Variants in NPHP4 observed in about 807,000 individuals in gnomAD.
NPHP4 encodes the protein nephrocystin 4, also known as nephrocystin-4.
In NPHP4, 151 loss-of-function variants were observed where a neutral mutation model predicts 155.8. The ratio of observed to expected loss-of-function variants is 0.97; its 90% CI spans 0.85 to 1.11. The LOEUF (loss-of-function observed/expected upper bound fraction) is 1.11. Among genes scored for constraint, NPHP4 ranks in the 50% least tolerant of loss-of-function variants. The pLI is 0.00. For missense variants in NPHP4, 1,956 were observed against 1,925.7 expected (o/e 1.02, Z -0.29); for synonymous variants, 845 against 816.8 (o/e 1.03, Z -0.59).
intron 3 of NPHP4, among the ~76,000 whole-genome samples, chr1:5,970,057 C>A (rs958089657): frequency 2.6e-5 from 4 of 152,160 alleles, no homozygotes; most frequent in African/African-American, 9.7e-5. Context: ...CGCCTTCCTG[C>A]CAGGCCCAGG....
At chr1:5,971,217 C>T (rs1443440586) in intron 3 of NPHP4, among the ~76,000 whole-genome samples, 1 of 152,206 alleles carries the variant, frequency 6.6e-6, no homozygotes, top group Non-Finnish European at 1.5e-5. Flanking sequence ...TATGCCTCTC[C>T]CTTCTGTTTA....
intron 11 of NPHP4, among the ~76,000 whole-genome samples, chr1:5,925,765 G>A (rs183956875): frequency 4.6e-5 from 7 of 152,168 alleles, no homozygotes; most frequent in Admixed American, 3.3e-4. Context: ...ACAGGCGCCC[G>A]CCACCACATC....
chr1:5,932,258 T>C (rs1646314673), intron 10 of NPHP4, among the ~76,000 whole-genome samples: 1 of 152,308 alleles, frequency 6.6e-6, no homozygotes, highest in East Asian at 1.9e-4. Flanking sequence ...TCAATTGACT[T>C]TTCATGTCAT....
At chr1:5,914,288 G>T (rs79244515) in intron 11 of NPHP4, among the ~76,000 whole-genome samples, 1 of 61,268 alleles carries the variant, frequency 1.6e-5, no homozygotes, top group Non-Finnish European at 3.3e-5. Context: ...AAAAAAAAAG[G>T]CCTGGTGTGG....
In NPHP4 at chr1:5,947,096, G is replaced by A. The variant is rs1465294379; in HGVS notation, c.1119+8C>T. 1 of 1,613,936 alleles carries A rather than the reference G, an allele frequency of 6.2e-7. No individual in the cohort carries two copies. The highest frequency in any genetic ancestry group is 2.2e-5 in the East Asian group (1 of 44,892). On this transcript the variant is annotated splice_region_variant and intron_variant, in intron 9 of 29. Transcript: ENST00000378156. ...AGAGGAAACCGAGTGCAAAAGGGCTGTTCTTACATTGCCGTCCACTCCTGC... is the reference window on the plus strand; with the variant it reads ...AGAGGAAACCGAGTGCAAAAGGGCTATTCTTACATTGCCGTCCACTCCTGC...
At chr1:5,988,116 A>G (rs955512508) in intron 1 of NPHP4, among the ~76,000 whole-genome samples, 8 of 152,252 alleles carry the variant, frequency 5.3e-5, no homozygotes, top group Non-Finnish European at 7.3e-5. Context: ...TGCAAGAAGA[A>G]AACATCCACC....
intron 20 of NPHP4, 46 bp from the exon 21 acceptor site, chr1:5,875,146 C>A: frequency 6.9e-7 from 1 of 1,452,262 alleles, no homozygotes; most frequent in South Asian, 1.2e-5. Flanking sequence ...GGCACACTCT[C>A]CTCCACAAGG....
chr1:5,931,695 C>G (rs991291474), intron 10 of NPHP4, among the ~76,000 whole-genome samples: 2 of 146,016 alleles, frequency 1.4e-5, no homozygotes, highest in Non-Finnish European at 3.0e-5. Flanking sequence ...GACTGCGCCA[C>G]TGCACTCCAG....
intron 6 of NPHP4, among the ~76,000 whole-genome samples, chr1:5,953,567 A>C (rs1648610230): frequency 6.6e-6 from 1 of 152,228 alleles, no homozygotes; most frequent in South Asian, 2.1e-4. Context: ...ACCTTGAACC[A>C]TCTGCAAACA....
intron 3 of NPHP4, among the ~76,000 whole-genome samples, chr1:5,972,627 G>T (rs540607810): frequency 1.3e-5 from 2 of 152,074 alleles, no homozygotes; most frequent in African/African-American, 4.8e-5. Flanking sequence ...TTATGGAAAA[G>T]CACATGACTA....
chr1:5,898,938 T>C (rs937695587), intron 16 of NPHP4, among the ~76,000 whole-genome samples: 1 of 152,136 alleles, frequency 6.6e-6, no homozygotes. Context: ...CCAGCAGGCC[T>C]GTGAAAGGCA....
chr1:5,962,920 G>A (rs1412264991), intron 5 of NPHP4, among the ~76,000 whole-genome samples: 3 of 152,098 alleles, frequency 2.0e-5, no homozygotes, highest in East Asian at 3.9e-4. Context: ...AATCTTGCTC[G>A]GGCCTGATTT....
Position 5,947,885 on chromosome 1 carries a change from G to A in NPHP4, c.992+185C>T, listed in dbSNP as rs548167937. On this transcript the variant is annotated intron_variant, in intron 8 of 29. Coordinates refer to ENST00000378156, the MANE Select transcript of NPHP4 (RefSeq NM_015102.5). ...TCAGAGCACAAAAGGAAAAAAAAAG[G>A]GGGGGGCTTTTTCCAAACTTCCAAC... Among the ~76,000 whole-genome samples, 586 of 152,264 alleles carry A rather than the reference G, an allele frequency of 3.8e-3. 2 individuals are homozygous for A. The highest frequency in any genetic ancestry group is 0.027 in the Middle Eastern group (8 of 294).
intron 3 of NPHP4, among the ~76,000 whole-genome samples, chr1:5,970,496 T>C (rs769630028): frequency 2.6e-5 from 4 of 151,900 alleles, no homozygotes; most frequent in South Asian, 2.1e-4. Context: ...GAGTGCAACT[T>C]TGTCTAATAA....
chr1:5,971,287 C>T (rs189158748), intron 3 of NPHP4, among the ~76,000 whole-genome samples: 1 of 152,350 alleles, frequency 6.6e-6, no homozygotes, highest in East Asian at 1.9e-4. Flanking sequence ...AGCCCCAGAG[C>T]TGCTTGTCTC....
chr1:5,911,043 T>C (rs1175811636), intron 11 of NPHP4, among the ~76,000 whole-genome samples: 1 of 152,246 alleles, frequency 6.6e-6, no homozygotes, highest in African/African-American at 2.4e-5. Context: ...ACAAAGACTC[T>C]GGTCAGAGGA....
chr1:5,936,342 C>A (rs1280820350), intron 9 of NPHP4, among the ~76,000 whole-genome samples: 1 of 152,186 alleles, frequency 6.6e-6, no homozygotes. Flanking sequence ...CACAGAGGGA[C>A]CGGCAGACAG....
At chr1:5,887,043 C>G (rs1643864965) in intron 18 of NPHP4, 1 of 502,478 alleles carries the variant, frequency 2.0e-6, no homozygotes, top group South Asian at 3.4e-5. Flanking sequence ...CAACAACATG[C>G]AGGAGAGCCC....
At chr1:5,961,976 AC>A in intron 5 of NPHP4, 27 bp from the exon 6 acceptor site, 2 of 1,575,836 alleles carry the variant, frequency 1.3e-6, no homozygotes, top group Non-Finnish European at 1.7e-6. Flanking sequence ...AATGTGATCA[AC>A]TGATAGCTGA....
Sources: gnomAD v4.1 joint callset for allele counts (sites outside exome capture counted in the v4.1 genomes callset) on GRCh38, gnomAD v4.1.1 for gene constraint, MANE v1.5 for transcripts, NCBI Gene and HGNC (gene_info 2026-07-23, HGNC 2026-07-21) for gene names.